Variants in MSL3 observed in about 807,000 individuals in gnomAD.
The protein encoded by MSL3 is MSL complex subunit 3, also known as MSL3-like 1.
A neutral mutation model predicts 37.2 loss-of-function variants in MSL3; 5 were observed. The observed-to-expected ratio is 0.13, with a 90% CI of 0.07 to 0.28. The LOEUF (loss-of-function observed/expected upper bound fraction) is 0.28. MSL3 is among the 10% of genes least tolerant of loss of function. The probability of loss-of-function intolerance (pLI) is 1.00; values close to 1 mark genes in which losing one functional copy is unlikely to be tolerated. For synonymous variants in MSL3, 149 were observed against 147.6 expected, an observed-to-expected ratio of 1.01 and a Z score of -0.07; for missense variants, 315 against 408.5, an observed-to-expected ratio of 0.77 and a Z score of 1.97.
chrX:11,765,541 C>T lies in MSL3; in HGVS notation c.983C>T (p.Thr328Ile). ...STPQSTESQP[T>I]TGEPATPKRR... The stretch of plus-strand genomic sequence containing the variant: ...CCACAGTCCACAGAGAGTCAGCCGA[C>T]CACCGGTGAACCAGCCACCCCCAAA... The change falls in exon 9 of 13, where the codon ACC becomes ATC. Residue 328 changes from threonine to isoleucine, a missense_variant. Coordinates refer to ENST00000312196, the MANE Select transcript of MSL3 (RefSeq NM_078629.4). 1 of 1,211,241 alleles carries T rather than the reference C, an allele frequency of 8.3e-7. No individual in the cohort carries two copies. The highest frequency in any genetic ancestry group is 1.8e-5 in the South Asian group (1 of 56,874).
At chrX:11,771,742 G>T (rs2053233471) in intron 10 of MSL3, among the ~76,000 whole-genome samples, 1 of 111,415 alleles carries the variant, frequency 9.0e-6, no homozygotes, top group South Asian at 3.8e-4. Flanking sequence ...ACCACACCTG[G>T]CTAATTTTTT....
At chrX:11,758,708 A>C in intron 1 of MSL3, 1 of 1,166,608 alleles carries the variant, frequency 8.6e-7, no homozygotes, top group South Asian at 1.9e-5. Flanking sequence ...TTCGCGTTAA[A>C]TGTCTCCTTC....
At chrX:11,773,512 A>T (rs749871631) in intron 12 of MSL3, among the ~76,000 whole-genome samples, 20 of 112,174 alleles carry the variant, frequency 1.8e-4, no homozygotes, top group Non-Finnish European at 3.6e-4. Context: ...AGATCCTTTC[A>T]TGTAGGCATT....
At chrX:11,773,100 C>T (rs1272914236) in intron 12 of MSL3, among the ~76,000 whole-genome samples, 1 of 112,284 alleles carries the variant, frequency 8.9e-6, no homozygotes, top group Non-Finnish European at 1.9e-5. Flanking sequence ...TGTACATAAA[C>T]TAACTTAAAT....
chrX:11,771,815 A>G (rs1049933121), intron 10 of MSL3, among the ~76,000 whole-genome samples: 1 of 111,992 alleles, frequency 8.9e-6, no homozygotes, highest in Non-Finnish European at 1.9e-5. Flanking sequence ...TCCCGACCGC[A>G]GTTGATCCAC....
At chrX:11,763,138 C>T in intron 7 of MSL3, 141 bp downstream of exon 7, 2 of 518,668 alleles carry the variant, frequency 3.9e-6, no homozygotes, top group Non-Finnish European at 5.7e-6. Flanking sequence ...TTCATTGAAT[C>T]ATCTAATATT....
At chrX:11,767,072 C>T in intron 9 of MSL3, 1 of 753,826 alleles carries the variant, frequency 1.3e-6, no homozygotes, top group Non-Finnish European at 1.6e-6. Context: ...TCCTTGTGTA[C>T]ATCCTGTCCC....
At chrX:11,761,117 T>A (rs1349656072) in intron 4 of MSL3, 180 bp downstream of exon 4, 1 of 415,054 alleles carries the variant, frequency 2.4e-6, no homozygotes, top group Non-Finnish European at 4.2e-6. Flanking sequence ...AATAGAACGT[T>A]AGCAGAGTCA....
At chrX:11,761,711 A>G in intron 5 of MSL3, 129 bp downstream of exon 5, 1 of 404,357 alleles carries the variant, frequency 2.5e-6, no homozygotes, top group South Asian at 5.9e-5. Flanking sequence ...GTAAATTTTT[A>G]TTTGACATTT....
intron 5 of MSL3, 100 bp downstream of exon 5, chrX:11,761,682 C>T: frequency 2.2e-6 from 1 of 462,180 alleles, no homozygotes; most frequent in Non-Finnish European, 3.5e-6. Context: ...TCTAAAGATA[C>T]ATCTTTTAAA....
Position 11,763,852 on chromosome X carries a change from C to T in MSL3, c.822C>T (p.Leu274=). Residue 274 remains leucine, a synonymous_variant, in exon 8 of 13, where the codon CTC becomes CTT. Transcript: ENST00000312196. ...TFDYTLPLVL[L]YPYEQAQYKK... is the part of the protein sequence containing the mutation. ...ATTACACTCTCCCGTTGGTTTTACTCTATCCATATGAACAAGCTCAGTATA... is the reference window on the plus strand; with the variant it reads ...ATTACACTCTCCCGTTGGTTTTACTTTATCCATATGAACAAGCTCAGTATA... 1 of 1,205,822 alleles carries T rather than the reference C, an allele frequency of 8.3e-7. No homozygotes were observed. The highest frequency in any genetic ancestry group is 1.1e-6 in the Non-Finnish European group (1 of 890,334).
rs768967754 is a variant in MSL3, at chrX:11,758,344, G to A, written c.81G>A (p.Ala27=). The A allele has an allele frequency of 8.8e-7, 1 of 1,138,099 alleles. No homozygotes were observed. The highest frequency in any genetic ancestry group is 3.7e-5 in the East Asian group (1 of 27,225). 93.8% of individuals were successfully genotyped at this position (1,138,099 alleles called of 1,213,427 possible). A position where few individuals can be genotyped will look rare whatever the true frequency, so the allele number is the denominator to read the frequency against. The change falls in exon 1 of 13, where the codon GCG becomes GCA. Residue 27 remains alanine, a synonymous_variant. Coordinates refer to ENST00000312196, the MANE Select transcript of MSL3 (RefSeq NM_078629.4). ...VLCFEPDPTK[A]RVLYDAKIVD... ...GCTTCGAGCCTGACCCCACCAAGGC[G>A]CGAGTGCTGTACGATGCCAAGGTGC...
At chrX:11,771,645 C>T (rs907797705) in intron 10 of MSL3, among the ~76,000 whole-genome samples, 1 of 112,477 alleles carries the variant, frequency 8.9e-6, no homozygotes, top group Admixed American at 9.4e-5. Flanking sequence ...AGTGGCACAA[C>T]CTTGGTTCAC....
At chrX:11,760,575 A>T in intron 3 of MSL3, 77 bp downstream of exon 3, 2 of 681,425 alleles carry the variant, frequency 2.9e-6, no homozygotes, top group Non-Finnish European at 4.3e-6. Flanking sequence ...ATGATATAAA[A>T]GTAATACAAT....
chrX:11,761,033 C>G, intron 4 of MSL3, 96 bp downstream of exon 4: 1 of 598,256 alleles, frequency 1.7e-6, no homozygotes, highest in Non-Finnish European at 2.6e-6. Context: ...ACACTTCAAG[C>G]TCATTATGTA....
chrX:11,769,982 T>C (rs1026663902), intron 10 of MSL3, among the ~76,000 whole-genome samples: 3 of 112,519 alleles, frequency 2.7e-5, no homozygotes, highest in African/African-American at 9.7e-5. Context: ...CAGTAGTGTG[T>C]ACCCTAAGGT....
At chrX:11,760,378 G>C (rs749482765) in intron 2 of MSL3, 25 bp from the exon 3 acceptor site, 1 of 1,139,341 alleles carries the variant, frequency 8.8e-7, no homozygotes, top group South Asian at 2.0e-5. Flanking sequence ...CTAAAGTACT[G>C]AATTTTCCTT....
At position 11,760,875 on chromosome X, in the gene MSL3, C is replaced by T. The variant is rs1206286867; in HGVS notation, c.320C>T (p.Pro107Leu). ...TGRKKKRCRL[P>L]GVDSVLKGLP... The stretch of plus-strand genomic sequence containing the variant: ...AGAAAGAAGAAGCGCTGCAGGTTGC[C>T]TGGTGTGGACTCTGTCTTAAAAGGC... Residue 107 changes from proline (P) to leucine (L), a missense_variant, in exon 4 of 13, where the codon CCT (proline) becomes CTT (leucine). Physicochemically the swap from Pro to Leu is moderately conservative, Grantham distance 98 (BLOSUM62 -3). Transcript: ENST00000312196. The T allele has an allele frequency of 1.7e-6, 2 of 1,199,573 alleles. No individual in the cohort carries two copies. Among genetic ancestry groups the T allele is most frequent in the Non-Finnish European group, 2.2e-6 (2 of 889,392 alleles).
chrX:11,759,735 T>C, intron 1 of MSL3, 58 bp from the exon 2 acceptor site: 1 of 1,206,211 alleles, frequency 8.3e-7, no homozygotes, highest in Non-Finnish European at 1.1e-6. Flanking sequence ...GTTTTCCTGA[T>C]CTAACTTCTA....
Sources: gnomAD v4.1 joint callset for allele counts (sites outside exome capture counted in the v4.1 genomes callset) on GRCh38, gnomAD v4.1.1 for gene constraint, MANE v1.5 for transcripts, NCBI Gene and HGNC (gene_info 2026-07-23, HGNC 2026-07-21) for gene names.